The following PKNOX2 variants were observed in gnomAD, a reference collection of about 807,000 sequenced individuals.
PKNOX2 encodes the protein PBX/knotted 1 homeobox 2, also known as homeobox protein PKNOX2.
PKNOX2 carries 14 observed loss-of-function variants against 53.1 expected under a neutral mutation model. The ratio of observed to expected loss-of-function variants is 0.26; its 90% CI spans 0.17 to 0.41. The LOEUF is 0.41. Among genes scored for constraint, PKNOX2 ranks in the 10% least tolerant of loss-of-function variants. The probability of loss-of-function intolerance (pLI) is 1.00; values close to 1 mark genes in which losing one functional copy is unlikely to be tolerated. For missense variants in PKNOX2, 496 were observed against 602.8 expected (o/e 0.82, Z 1.85); for synonymous variants, 257 against 242.8 (o/e 1.06, Z -0.54).
chr11:125,414,601 A>G (rs1376451188), intron 10 of PKNOX2, among the ~76,000 whole-genome samples: 3 of 152,144 alleles, frequency 2.0e-5, no homozygotes, highest in South Asian at 2.1e-4. Flanking sequence ...ACCCTCCCCA[A>G]TCCTCAGCTG....
intron 7 of PKNOX2, among the ~76,000 whole-genome samples, chr11:125,403,937 T>C (rs964213777): frequency 4.6e-5 from 7 of 152,172 alleles, no homozygotes; most frequent in East Asian, 1.9e-4. Context: ...GGCTAATCAA[T>C]GCATCCCCAC....
chr11:125,173,971 A>T (rs1457992034), intron 1 of PKNOX2, among the ~76,000 whole-genome samples: 2 of 152,154 alleles, frequency 1.3e-5, no homozygotes, highest in African/African-American at 2.4e-5. Flanking sequence ...GAGTAGTGGC[A>T]AGTGAGCCCT....
At chr11:125,366,479 T>C (rs1952197391) in intron 4 of PKNOX2, among the ~76,000 whole-genome samples, 1 of 152,220 alleles carries the variant, frequency 6.6e-6, no homozygotes. Context: ...TTCTGGGCCC[T>C]AGGAATACAA....
chr11:125,174,555 G>C (rs984007563), intron 1 of PKNOX2, among the ~76,000 whole-genome samples: 2 of 152,216 alleles, frequency 1.3e-5, no homozygotes, highest in Non-Finnish European at 2.9e-5. Flanking sequence ...CAGGCACCAT[G>C]AGTTTGTAGA....
chr11:125,171,358 C>A (rs1955309542), intron 1 of PKNOX2, among the ~76,000 whole-genome samples: 1 of 152,182 alleles, frequency 6.6e-6, no homozygotes, highest in Admixed American at 6.5e-5. Context: ...TGCCATGAAG[C>A]CTGTCCTCAA....
At chr11:125,191,624 T>G (rs1457159261) in intron 1 of PKNOX2, among the ~76,000 whole-genome samples, 1 of 152,220 alleles carries the variant, frequency 6.6e-6, no homozygotes, top group African/African-American at 2.4e-5. Context: ...TAGATTCCAC[T>G]GTTGGGAAGT....
In PKNOX2 at chr11:125,401,204, G is replaced by A. The variant is rs192667252; in HGVS notation, c.588+3142G>A. Among the ~76,000 whole-genome samples, 10 of 152,202 alleles carry A rather than the reference G, an allele frequency of 6.6e-5. No individual in the cohort carries two copies. The East Asian group carries it at 1.4e-3, about 21-fold the overall frequency. ...GGAAGCAGAGACAGGCTGAAGAATTGGAGGAAAAGAGCAAGAGAGAGAGAC... is the reference window on the plus strand; with the variant it reads ...GGAAGCAGAGACAGGCTGAAGAATTAGAGGAAAAGAGCAAGAGAGAGAGAC... On this transcript the variant is annotated intron_variant, in intron 7 of 12. Transcript: ENST00000298282.
intron 2 of PKNOX2, among the ~76,000 whole-genome samples, chr11:125,287,548 G>A (rs1024165150): frequency 1.6e-4 from 25 of 152,280 alleles, no homozygotes; most frequent in Admixed American, 1.2e-3. Flanking sequence ...TTCCTCTTCC[G>A]TCTTTAGCTG....
At chr11:125,315,329 C>T (rs79905172) in intron 2 of PKNOX2, among the ~76,000 whole-genome samples, 13 of 111,916 alleles carry the variant, frequency 1.2e-4, no homozygotes, top group African/African-American at 4.1e-4. Flanking sequence ...AAAAAAAAAA[C>T]ACCTCTCTCT....
chr11:125,346,812 T>TGGAAGGGGGGAA (rs1308223049), intron 3 of PKNOX2, among the ~76,000 whole-genome samples: 1 of 128,576 alleles, frequency 7.8e-6, no homozygotes, highest in Non-Finnish European at 1.6e-5. Context: ...GAAAGGAGGA[T>TGGAAGGGGGGAA]GGAAGGGGGG....
chr11:125,242,576 A>T (rs1011909082), intron 2 of PKNOX2, among the ~76,000 whole-genome samples: 2 of 150,030 alleles, frequency 1.3e-5, no homozygotes, highest in African/African-American at 4.9e-5. Flanking sequence ...GGGGGACATC[A>T]GGGGTGGAGG....
intron 2 of PKNOX2, among the ~76,000 whole-genome samples, chr11:125,326,923 C>G (rs1354025959): frequency 2.0e-5 from 3 of 152,210 alleles, no homozygotes; most frequent in Non-Finnish European, 4.4e-5. Flanking sequence ...TGAGGATTCA[C>G]AAACATCAGC....
chr11:125,314,781 C>T (rs1008145079), intron 2 of PKNOX2, among the ~76,000 whole-genome samples: 9 of 152,124 alleles, frequency 5.9e-5, no homozygotes, highest in Non-Finnish European at 1.0e-4. Flanking sequence ...AGAGATGTTC[C>T]GATGAGGATG....
chr11:125,405,012 G>A (rs932734516), intron 7 of PKNOX2, among the ~76,000 whole-genome samples: 3 of 152,194 alleles, frequency 2.0e-5, no homozygotes, highest in African/African-American at 7.2e-5. Context: ...GGGAGGCTTT[G>A]GTGAGTGTGG....
At chr11:125,227,671 G>A (rs190964611) in intron 1 of PKNOX2, among the ~76,000 whole-genome samples, 1 of 152,298 alleles carries the variant, frequency 6.6e-6, no homozygotes, top group Admixed American at 6.5e-5. Flanking sequence ...TGGCTGCTGT[G>A]AATAAAGCTG....
intron 2 of PKNOX2, among the ~76,000 whole-genome samples, chr11:125,301,545 C>T (rs1312724298): frequency 6.6e-6 from 1 of 151,920 alleles, no homozygotes; most frequent in African/African-American, 2.4e-5. Context: ...ATTTCAGCTC[C>T]CCAGGACTCC....
chr11:125,198,742 C>T (rs1266477341), intron 1 of PKNOX2, among the ~76,000 whole-genome samples: 1 of 102,098 alleles, frequency 9.8e-6, no homozygotes, highest in African/African-American at 2.6e-5. Context: ...CCTGCTTCTC[C>T]TCTGATTTTT....
At chr11:125,386,193 G>A (rs1220308173) in intron 6 of PKNOX2, among the ~76,000 whole-genome samples, 1 of 152,218 alleles carries the variant, frequency 6.6e-6, no homozygotes, top group Non-Finnish European at 1.5e-5. Flanking sequence ...ATGTGCTGAG[G>A]AGACCAGTGG....
At chr11:125,431,140 G>C in intron 12 of PKNOX2, 26 bp from the exon 13 acceptor site, 6 of 1,608,986 alleles carry the variant, frequency 3.7e-6, no homozygotes, top group Non-Finnish European at 5.1e-6. Context: ...CCCCTGCCTC[G>C]TCCTGACCCT....
Sources: gnomAD v4.1 joint callset for allele counts (sites outside exome capture counted in the v4.1 genomes callset) on GRCh38, gnomAD v4.1.1 for gene constraint, MANE v1.5 for transcripts, NCBI Gene and HGNC (gene_info 2026-07-23, HGNC 2026-07-21) for gene names.